SLC1A1: variants seen among roughly 807,000 people sequenced by gnomAD.
SLC1A1 encodes the protein solute carrier family 1 member 1.
A neutral mutation model predicts 53.3 loss-of-function variants in SLC1A1; 43 were observed. The observed-to-expected ratio is 0.81, with a 90% CI of 0.63 to 1.04. The LOEUF is 1.04. Among genes scored for constraint, SLC1A1 ranks in the 50% least tolerant of loss-of-function variants. SLC1A1 has a pLI of 0.00. For missense variants in SLC1A1, 748 were observed against 664.9 expected (o/e 1.12, Z -1.37); for synonymous variants, 307 against 243.2 (o/e 1.26, Z -2.44).
chr9:4,512,320 T>C (rs190278178), intron 1 of SLC1A1, among the ~76,000 whole-genome samples: 3 of 152,184 alleles, frequency 2.0e-5, no homozygotes, highest in East Asian at 3.9e-4. Flanking sequence ...GAACACCATC[T>C]TGGGCAACGT....
At chr9:4,497,119 G>A (rs1820457386) in intron 1 of SLC1A1, among the ~76,000 whole-genome samples, 1 of 151,772 alleles carries the variant, frequency 6.6e-6, no homozygotes, top group South Asian at 2.1e-4. Context: ...AAACCGGGTG[G>A]TTTTAAAAAA....
At chr9:4,566,682 T>C (rs1374801740) in intron 5 of SLC1A1, among the ~76,000 whole-genome samples, 1 of 151,838 alleles carries the variant, frequency 6.6e-6, no homozygotes, top group East Asian at 1.9e-4. Flanking sequence ...ACCATGTCTC[T>C]AAAAAGAAAT....
At chr9:4,499,107 C>T (rs1449949148) in intron 1 of SLC1A1, among the ~76,000 whole-genome samples, 1 of 148,114 alleles carries the variant, frequency 6.8e-6, no homozygotes, top group African/African-American at 2.5e-5. Flanking sequence ...TGCAGTGGCA[C>T]GATCTTGGCT....
At chr9:4,576,335 T>C (rs541373311) in intron 9 of SLC1A1, among the ~76,000 whole-genome samples, 1 of 152,378 alleles carries the variant, frequency 6.6e-6, no homozygotes, top group South Asian at 2.1e-4. Flanking sequence ...GAAGGGGTTA[T>C]GGAATAACTG....
At chr9:4,580,733 A>C (rs1234123519) in intron 10 of SLC1A1, among the ~76,000 whole-genome samples, 1 of 151,362 alleles carries the variant, frequency 6.6e-6, no homozygotes, top group Non-Finnish European at 1.5e-5. Context: ...CAGTAGTAAT[A>C]GTAGTAGTAG....
At position 4,564,371 on chromosome 9, in the gene SLC1A1, C is replaced by G. The variant is rs768091772; in HGVS notation, c.353C>G (p.Pro118Arg). 6.2e-7 allele frequency: 1 copy of G among 1,613,654 alleles called. No individual in the cohort carries two copies. Among genetic ancestry groups the G allele is most frequent in the Non-Finnish European group, 8.5e-7 (1 of 1,179,800 alleles). The change falls in exon 4 of 12, where the codon CCT becomes CGT. Residue 118 changes from proline (P) to arginine (R), a missense_variant. Physicochemically the swap from Pro to Arg is moderately radical, Grantham distance 103 (BLOSUM62 -2). Coordinates refer to ENST00000262352, the MANE Select transcript of SLC1A1 (RefSeq NM_004170.6). ...LGIVLVVSIK[P>R]GVTQKVGEIA... is the part of the protein sequence containing the mutation. ...ATTGTGCTGGTGGTGAGCATCAAGC[C>G]TGGTGTCACCCAGAAAGTGGGTGAA...
chr9:4,537,799 G>A (rs1280902958), intron 1 of SLC1A1, among the ~76,000 whole-genome samples: 1 of 151,974 alleles, frequency 6.6e-6, no homozygotes, highest in Admixed American at 6.6e-5. Flanking sequence ...GTGACTAACA[G>A]GTGTGGAATT....
At chr9:4,510,332 G>A (rs1820958488) in intron 1 of SLC1A1, among the ~76,000 whole-genome samples, 1 of 152,174 alleles carries the variant, frequency 6.6e-6, no homozygotes, top group South Asian at 2.1e-4. Context: ...TGCAAGGAGG[G>A]CAAATGTGGC....
intron 10 of SLC1A1, among the ~76,000 whole-genome samples, chr9:4,582,018 A>G (rs1821141398): frequency 1.3e-5 from 2 of 152,192 alleles, no homozygotes; most frequent in South Asian, 2.1e-4. Flanking sequence ...ACCTTTCAAC[A>G]CAGTGGAACC....
chr9:4,535,514 C>T (rs1420175549), intron 1 of SLC1A1, among the ~76,000 whole-genome samples: 1 of 152,060 alleles, frequency 6.6e-6, no homozygotes, highest in Non-Finnish European at 1.5e-5. Context: ...ATGTGAAGGA[C>T]CTCTTCAAGG....
At chr9:4,491,549 C>T (rs1048515454) in intron 1 of SLC1A1, among the ~76,000 whole-genome samples, 6 of 152,250 alleles carry the variant, frequency 3.9e-5, no homozygotes, top group Non-Finnish European at 8.8e-5. Context: ...AAGTGATCCA[C>T]CCCTCACAGA....
At chr9:4,521,192 C>A (rs1816057188) in intron 1 of SLC1A1, among the ~76,000 whole-genome samples, 1 of 152,154 alleles carries the variant, frequency 6.6e-6, no homozygotes, top group African/African-American at 2.4e-5. Context: ...AATTTGCACA[C>A]TTCTCTTTTT....
rs748073121 is a variant in SLC1A1 at position 4,583,215 on chromosome 9, G to A, written c.1328+43G>A. 1.7e-5 allele frequency: 27 copies of A among 1,612,446 alleles called. No individual in the cohort carries two copies. The highest frequency in any genetic ancestry group is 2.2e-5 in the East Asian group (1 of 44,878). On this transcript the variant is annotated intron_variant, in intron 11 of 11. Coordinates refer to ENST00000262352, the MANE Select transcript of SLC1A1 (RefSeq NM_004170.6). The surrounding 1 kb of genome is among the most constrained non-coding windows in gnomAD (Gnocchi z 4.6). ...CACTGCCTTAGCTGGATGTGCAGGCGGGCTTCCCAGCCTCGCAGGCGCTGC... is the reference window on the plus strand; with the variant it reads ...CACTGCCTTAGCTGGATGTGCAGGCAGGCTTCCCAGCCTCGCAGGCGCTGC...
chr9:4,579,206 A>T (rs1820837411), intron 10 of SLC1A1, among the ~76,000 whole-genome samples: 2 of 152,256 alleles, frequency 1.3e-5, no homozygotes, highest in Non-Finnish European at 2.9e-5. Flanking sequence ...GATTGAGCAA[A>T]GTCCTGTAAT....
intron 2 of SLC1A1, among the ~76,000 whole-genome samples, chr9:4,558,318 G>A (rs1297394522): frequency 6.6e-6 from 1 of 152,128 alleles, no homozygotes; most frequent in Non-Finnish European, 1.5e-5. Flanking sequence ...AGAGGTAGAG[G>A]GTAACTATAG....
chr9:4,545,218 T>TCTCTCTCTCTCTCTCC (rs775023975), intron 2 of SLC1A1, among the ~76,000 whole-genome samples: 1 of 150,480 alleles, frequency 6.6e-6, no homozygotes, highest in Non-Finnish European at 1.5e-5. Context: ...TCTCTCTCTC[T>TCTCTCTCTCTCTCTCC]CCACCTCTCT....
chr9:4,495,392 G>A (rs1378312628), intron 1 of SLC1A1, among the ~76,000 whole-genome samples: 1 of 152,186 alleles, frequency 6.6e-6, no homozygotes, highest in Non-Finnish European at 1.5e-5. Flanking sequence ...GGGACTTAAT[G>A]TTCAAGTAGA....
chr9:4,494,025 T>G (rs1027485916), intron 1 of SLC1A1, among the ~76,000 whole-genome samples: 1 of 152,244 alleles, frequency 6.6e-6, no homozygotes, highest in African/African-American at 2.4e-5. Flanking sequence ...ACCATCTTTT[T>G]AAATTTCTGC....
At chr9:4,558,008 T>C (rs371063350) in intron 2 of SLC1A1, among the ~76,000 whole-genome samples, 62 of 152,328 alleles carry the variant, frequency 4.1e-4, no homozygotes, top group African/African-American at 1.4e-3. Flanking sequence ...TTAAAGATGA[T>C]GCATTAACAT....
Sources: allele counts gnomAD v4.1 joint callset (sites outside exome capture counted in the v4.1 genomes callset), GRCh38; gene constraint gnomAD v4.1.1; non-coding constraint Gnocchi (gnomAD v3.1); transcripts MANE v1.5; gene names NCBI Gene and HGNC (gene_info 2026-07-23, HGNC 2026-07-21).